RSL1D1: variants seen among roughly 807,000 people sequenced by gnomAD.
The protein encoded by RSL1D1 is ribosomal L1 domain-containing protein 1.
A neutral mutation model predicts 44.6 loss-of-function variants in RSL1D1; 34 were observed. The ratio of observed to expected loss-of-function variants is 0.76; its 90% CI spans 0.58 to 1.02. The LOEUF is 1.02. Among genes scored for constraint, RSL1D1 ranks in the 50% least tolerant of loss-of-function variants. RSL1D1 has a pLI of 0.00. For missense variants in RSL1D1, 767 were observed against 568.1 expected (o/e 1.35, Z -3.56); for synonymous variants, 271 against 207.4 (o/e 1.31, Z -2.63).
intron 5 of RSL1D1, among the ~76,000 whole-genome samples, chr16:11,843,010 C>T (rs944673457): frequency 6.6e-6 from 1 of 151,306 alleles, no homozygotes; most frequent in African/African-American, 2.4e-5. Flanking sequence ...CAACCCCCAC[C>T]TCCTGGGTTC....
intron 3 of RSL1D1, 147 bp from the exon 4 acceptor site, chr16:11,846,990 G>A: frequency 1.4e-6 from 1 of 697,522 alleles, no homozygotes; most frequent in East Asian, 2.5e-5. Context: ...CCTAAAATGT[G>A]CCAGGCACTA....
chr16:11,844,862 G>A (rs1180559261), intron 5 of RSL1D1, among the ~76,000 whole-genome samples: 1 of 152,136 alleles, frequency 6.6e-6, no homozygotes, highest in African/African-American at 2.4e-5. Flanking sequence ...TCCCCAAGCT[G>A]ATACACTGCC....
At chr16:11,851,322 G>A (rs1233462897) in intron 1 of RSL1D1, 86 bp downstream of exon 1, 2 of 1,275,054 alleles carry the variant, frequency 1.6e-6, no homozygotes, top group East Asian at 2.3e-5. Flanking sequence ...GAAGTCCGCC[G>A]AGCACGCACT....
chr16:11,847,909 T>G, intron 2 of RSL1D1, 103 bp from the exon 3 acceptor site: 1 of 1,226,580 alleles, frequency 8.2e-7, no homozygotes, highest in South Asian at 1.3e-5. Flanking sequence ...TTTAAATAAC[T>G]TTTAGTCATG....
rs777175251 is a variant in RSL1D1 at position 11,838,118 on chromosome 16, G to C, written c.1147-5C>G. 6.9e-7 allele frequency: 1 copy of C among 1,457,368 alleles called. No homozygotes were observed. The allele number at this position is 1,457,368 out of a possible 1,614,324, so 90.3% of individuals were successfully genotyped here. On this transcript the variant is annotated splice_polypyrimidine_tract_variant and splice_region_variant and intron_variant, in intron 8 of 8. Transcript: ENST00000571133. Reference sequence around the variant, plus strand: ...TCCTGTGGCATGTTTTTGAATCTAAGAAAAAAAAAAGTAAGTTTAATATAG... The same window carrying C: ...TCCTGTGGCATGTTTTTGAATCTAACAAAAAAAAAAGTAAGTTTAATATAG...
At position 11,839,843 on chromosome 16, in the gene RSL1D1, G is replaced by A. The variant is rs747633923; in HGVS notation, c.998C>T (p.Pro333Leu). 2 of 1,614,012 alleles carry A rather than the reference G, an allele frequency of 1.2e-6. No individual in the cohort carries two copies. The highest frequency in any genetic ancestry group is 8.5e-7 in the Non-Finnish European group (1 of 1,180,012). Reference protein sequence around the residue: ...PESGDTTVKKPESKKEQTPEH... With the variant: ...PESGDTTVKKLESKKEQTPEH... ...TGGGGTCTGTTCCTTCTTTGATTCA[G>A]GTTTCTTCACTGTAGTATCACCACT... is the stretch of plus-strand genomic sequence containing the variant. The change falls in exon 8 of 9, where the codon CCT becomes CTT. Residue 333 changes from proline to leucine, a missense_variant. Physicochemically the swap from Pro to Leu is moderately conservative, Grantham distance 98. Coordinates refer to ENST00000571133, the MANE Select transcript of RSL1D1 (RefSeq NM_015659.3).
intron 3 of RSL1D1, 47 bp from the exon 4 acceptor site, chr16:11,846,890 C>A: frequency 6.7e-7 from 1 of 1,502,350 alleles, no homozygotes; most frequent in Non-Finnish European, 9.2e-7. Flanking sequence ...GGAATCTAAA[C>A]AAGGAGAAGA....
chr16:11,839,129 G>A lies in RSL1D1; in HGVS notation c.1146+566C>T, dbSNP rs551371901. Among the ~76,000 whole-genome samples the A allele has an allele frequency of 1.2e-4, 18 of 152,174 alleles. No individual in the cohort carries two copies. In the East Asian group the frequency reaches 2.5e-3, roughly 21 times the overall value. On this transcript the variant is annotated intron_variant, in intron 8 of 8. Coordinates refer to ENST00000571133, the MANE Select transcript of RSL1D1 (RefSeq NM_015659.3). Reference sequence around the variant, plus strand: ...GCCTGTAATCCCAGCACTTTGGGAGGACAAGGCGGGCGGATCACCTGAGGC... The same window carrying A: ...GCCTGTAATCCCAGCACTTTGGGAGAACAAGGCGGGCGGATCACCTGAGGC...
chr16:11,847,550 A>T, intron 3 of RSL1D1, 118 bp downstream of exon 3: 1 of 903,444 alleles, frequency 1.1e-6, no homozygotes, highest in Non-Finnish European at 1.7e-6. Flanking sequence ...ACCACAAATT[A>T]AATTAAAAAG....
intron 2 of RSL1D1, among the ~76,000 whole-genome samples, chr16:11,848,707 T>C (rs1421198722): frequency 6.6e-6 from 1 of 152,140 alleles, no homozygotes; most frequent in African/African-American, 2.4e-5. Context: ...TAGCCTGGGC[T>C]GGTCTTGAAT....
At chr16:11,843,841 A>G (rs1318960257) in intron 5 of RSL1D1, among the ~76,000 whole-genome samples, 1 of 126,140 alleles carries the variant, frequency 7.9e-6, no homozygotes, top group Non-Finnish European at 1.6e-5. Flanking sequence ...ACTGCACTCT[A>G]GCCTGGGCGA....
At chr16:11,843,665 G>A (rs1286777857) in intron 5 of RSL1D1, among the ~76,000 whole-genome samples, 2 of 151,716 alleles carry the variant, frequency 1.3e-5, no homozygotes, top group Non-Finnish European at 2.9e-5. Flanking sequence ...TCAGGAGACC[G>A]AGACCATCCT....
At position 11,833,923 on chromosome 16, in the gene RSL1D1, A is replaced by C. The variant is rs2053700800; in HGVS notation, c.*3864T>G. The C allele has an allele frequency of 6.6e-6, 1 of 152,216 alleles. No homozygotes were observed. The highest frequency in any genetic ancestry group is 2.1e-4 in the South Asian group (1 of 4,834). 9.4% of individuals were successfully genotyped at this position (152,216 alleles called of 1,614,324 possible). A position where few individuals can be genotyped will look rare whatever the true frequency, so the allele number is the denominator to read the frequency against. ...GAACTAAAACTCAATTACTTCCTTC[A>C]GAACAAAAACGTTACACTCAAATTT... On this transcript the variant is annotated 3_prime_UTR_variant, in exon 9 of 9. Transcript: ENST00000571133.
intron 5 of RSL1D1, among the ~76,000 whole-genome samples, chr16:11,843,843 C>T (rs909174047): frequency 3.3e-5 from 4 of 123,026 alleles, no homozygotes; most frequent in African/African-American, 1.2e-4. Context: ...TGCACTCTAG[C>T]CTGGGCGACA....
chr16:11,851,491 A>T lies in RSL1D1; in HGVS notation c.22T>A (p.Ser8Thr). 6.2e-7 allele frequency: 1 copy of T among 1,613,906 alleles called. No individual in the cohort carries two copies. Among genetic ancestry groups the T allele is most frequent in the Non-Finnish European group, 8.5e-7 (1 of 1,179,964 alleles). MEDSASA[S>T]LSSAAATGTS... ...CCAGTAGCGGCTGCAGAAGACAGCGAGGCCGAGGCCGAATCCTCCATCTTG... is the reference window on the plus strand; with the variant it reads ...CCAGTAGCGGCTGCAGAAGACAGCGTGGCCGAGGCCGAATCCTCCATCTTG... The change falls in exon 1 of 9, where the codon TCG (serine) becomes ACG (threonine). Residue 8 changes from serine (S) to threonine (T), a missense_variant. Coordinates refer to ENST00000571133, the MANE Select transcript of RSL1D1 (RefSeq NM_015659.3).
At position 11,836,360 on chromosome 16, in the gene RSL1D1, G is replaced by C. The variant is rs558064930; in HGVS notation, c.*1427C>G. 3 of 152,296 alleles carry C rather than the reference G, an allele frequency of 2.0e-5. No homozygotes were observed. In the South Asian group the frequency reaches 6.2e-4, roughly 32 times the overall value. The allele number at this position is 152,296 out of a possible 1,614,324, so 9.4% of individuals were successfully genotyped here. A position where few individuals can be genotyped will look rare whatever the true frequency, so the allele number is the denominator to read the frequency against. ...TTACAGATGTAAGCCACTGCATCTA[G>C]CACCCACATTATCTTTGAAAGCAGT... is the stretch of plus-strand genomic sequence containing the variant. On this transcript the variant is annotated 3_prime_UTR_variant, in exon 9 of 9. Coordinates refer to ENST00000571133, the MANE Select transcript of RSL1D1 (RefSeq NM_015659.3).
At chr16:11,847,317 G>A (rs533818719) in intron 3 of RSL1D1, among the ~76,000 whole-genome samples, 17 of 152,296 alleles carry the variant, frequency 1.1e-4, no homozygotes, top group South Asian at 1.0e-3. Flanking sequence ...GGAGGTTGCA[G>A]TGAGCCGAGG....
At chr16:11,850,000 G>A (rs1223814564) in intron 2 of RSL1D1, among the ~76,000 whole-genome samples, 1 of 152,104 alleles carries the variant, frequency 6.6e-6, no homozygotes, top group East Asian at 1.9e-4. Flanking sequence ...GCTAATTTTT[G>A]TATTTTTGGA....
chr16:11,847,783 G>A lies in RSL1D1; in HGVS notation c.269C>T (p.Ser90Leu). Residue 90 changes from serine to leucine, a missense_variant, in exon 3 of 9, where the codon TCA (serine) becomes TTA (leucine). By Grantham distance (145) the Ser-to-Leu change is moderately radical. Transcript: ENST00000571133. The part of the protein sequence containing the change: ...VRLTLPHSIR[S>L]DSEDICLFTK... ...AAATAAACAGATATCTTCTGAATCTGATCGAATACTATGAGGCAAGGTCCT... is the reference window on the plus strand; with the variant it reads ...AAATAAACAGATATCTTCTGAATCTAATCGAATACTATGAGGCAAGGTCCT... The A allele has an allele frequency of 6.2e-7, 1 of 1,613,302 alleles. No homozygotes were observed. The highest frequency in any genetic ancestry group is 8.5e-7 in the Non-Finnish European group (1 of 1,179,694).
Sources: gnomAD v4.1 joint callset for allele counts (sites outside exome capture counted in the v4.1 genomes callset) on GRCh38, gnomAD v4.1.1 for gene constraint, MANE v1.5 for transcripts, NCBI Gene and HGNC (gene_info 2026-07-23, HGNC 2026-07-21) for gene names.